The following THSD4 variants were observed in gnomAD, a reference collection of about 807,000 sequenced individuals.
The protein encoded by THSD4 is thrombospondin type 1 domain containing 4.
THSD4 carries 69 observed loss-of-function variants against 119.0 expected under a neutral mutation model. The ratio of observed to expected loss-of-function variants is 0.58; its 90% CI spans 0.48 to 0.71. THSD4 has a LOEUF of 0.71. Ranked by LOEUF, THSD4 falls within the 30% of genes least tolerant of loss-of-function variation. The pLI is 0.00. For synonymous variants in THSD4, 524 were observed against 540.4 expected (o/e 0.97, Z 0.42); for missense variants, 1,393 against 1,391.1 (o/e 1.00, Z -0.02).
chr15:71,498,859 C>CT (rs56282942), intron 7 of THSD4, among the ~76,000 whole-genome samples: 138 of 121,328 alleles, frequency 1.1e-3, no homozygotes, highest in African/African-American at 3.5e-3. Flanking sequence ...CCACATTGTA[C>CT]TTTTTTTTTT....
intron 7 of THSD4, among the ~76,000 whole-genome samples, chr15:71,657,884 A>T (rs902070333): frequency 6.6e-6 from 1 of 152,216 alleles, no homozygotes. Context: ...CACAAGATCA[A>T]ATAACATTTT....
intron 8 of THSD4, among the ~76,000 whole-genome samples, chr15:71,687,661 A>G (rs2051943523): frequency 6.6e-6 from 1 of 151,626 alleles, no homozygotes; most frequent in Non-Finnish European, 1.5e-5. Flanking sequence ...AGGCTGAGGC[A>G]GGAGAATTGC....
chr15:71,361,765 C>G (rs900519257), intron 6 of THSD4, among the ~76,000 whole-genome samples: 1 of 152,048 alleles, frequency 6.6e-6, no homozygotes, highest in African/African-American at 2.4e-5. Context: ...AAAAACGGGT[C>G]AAACAAATTA....
intron 7 of THSD4, among the ~76,000 whole-genome samples, chr15:71,504,237 G>A (rs1332111281): frequency 1.3e-5 from 2 of 152,208 alleles, no homozygotes; most frequent in African/African-American, 2.4e-5. Context: ...CCAGCAGGTC[G>A]TGAAGGGTTG....
intron 1 of THSD4, among the ~76,000 whole-genome samples, chr15:71,131,934 A>C (rs1193349930): frequency 6.6e-6 from 1 of 152,260 alleles, no homozygotes; most frequent in Non-Finnish European, 1.5e-5. Flanking sequence ...AGATGCCTGC[A>C]TGACTGTGTG....
chr15:71,393,797 G>A (rs141553320), intron 6 of THSD4, among the ~76,000 whole-genome samples: 1 of 152,286 alleles, frequency 6.6e-6, no homozygotes, highest in African/African-American at 2.4e-5. Flanking sequence ...CTGTGACCTT[G>A]AGCAGCTCCA....
intron 3 of THSD4, among the ~76,000 whole-genome samples, chr15:71,189,562 C>T (rs571916473): frequency 1.4e-3 from 212 of 151,932 alleles, no homozygotes; most frequent in Non-Finnish European, 2.5e-3. Context: ...CCCAGCTACT[C>T]GGGAGGCTGA....
chr15:71,741,482 G>C (rs998680215), intron 11 of THSD4, among the ~76,000 whole-genome samples: 1 of 152,028 alleles, frequency 6.6e-6, no homozygotes, highest in African/African-American at 2.4e-5. Context: ...AACAGAGCAA[G>C]ACTCCGTCTC....
intron 6 of THSD4, among the ~76,000 whole-genome samples, chr15:71,381,388 A>T (rs1034373630): frequency 2.6e-5 from 4 of 152,228 alleles, no homozygotes; most frequent in Non-Finnish European, 5.9e-5. Flanking sequence ...GACTTAATAT[A>T]AAAACCTGCC....
In THSD4 at chr15:71,384,874, C is replaced by T. The variant is rs537429640; in HGVS notation, c.1016-26813C>T. 9.2e-5 allele frequency among the ~76,000 whole-genome samples: 14 copies of T among 152,296 alleles called. No individual in the cohort carries two copies. The East Asian group carries it at 2.3e-3, about 25-fold the overall frequency. ...ACTCAATTCTTCCAAAGTTAAGGAT[C>T]CCATTTTTATGTTGAATGTTGGCCT... On this transcript the variant is annotated intron_variant, in intron 6 of 17. Transcript: ENST00000261862.
intron 7 of THSD4, among the ~76,000 whole-genome samples, chr15:71,482,036 C>G (rs192643500): frequency 1.6e-3 from 251 of 152,246 alleles, no homozygotes; most frequent in African/African-American, 5.3e-3. Flanking sequence ...AAAATAATCC[C>G]TGCTCCTTCT....
At chr15:71,422,904 C>G (rs900439277) in intron 7 of THSD4, among the ~76,000 whole-genome samples, 3 of 152,134 alleles carry the variant, frequency 2.0e-5, no homozygotes, top group African/African-American at 4.8e-5. Flanking sequence ...AGCCAGAAGA[C>G]AAAGTTCTTC....
At chr15:71,393,723 G>A (rs558922783) in intron 6 of THSD4, among the ~76,000 whole-genome samples, 1 of 152,234 alleles carries the variant, frequency 6.6e-6, no homozygotes, top group East Asian at 1.9e-4. Flanking sequence ...GCTGTTTTTA[G>A]TGTGCTTAGC....
chr15:71,161,688 T>A (rs1185296839), intron 3 of THSD4, among the ~76,000 whole-genome samples: 1 of 152,036 alleles, frequency 6.6e-6, no homozygotes, highest in Non-Finnish European at 1.5e-5. Flanking sequence ...TGTTTTTTTT[T>A]AATCCATTCA....
chr15:71,762,178 C>CAGAG (rs75610353), intron 15 of THSD4, among the ~76,000 whole-genome samples: 50 of 147,604 alleles, frequency 3.4e-4, no homozygotes, highest in South Asian at 4.4e-4. Flanking sequence ...CACACACACA[C>CAGAG]AGAGATAGAG....
intron 10 of THSD4, among the ~76,000 whole-genome samples, chr15:71,736,686 T>TTC (rs1017366020): frequency 1.3e-5 from 2 of 151,934 alleles, no homozygotes; most frequent in African/African-American, 2.4e-5. Context: ...CTCTCTCTCT[T>TTC]TCTCTCTCTC....
rs935650007 is a variant in THSD4 at position 71,748,588 on chromosome 15, C to T, written c.2409C>T (p.Ser803=). The change falls in exon 14 of 18, where the codon AGC becomes AGT. Residue 803 remains serine, a synonymous_variant. Transcript: ENST00000261862. ...CAKSWFLTEW[S]ERCSAECGAG... ...AGAGCTGGTTCCTCACCGAGTGGAG[C>T]GAAAGGGTGAGTGTGATGGCGGGCA... The T allele has an allele frequency of 1.4e-5, 23 of 1,613,798 alleles. No homozygotes were observed. The highest frequency in any genetic ancestry group is 5.3e-5 in the African/African-American group (4 of 74,864).
chr15:71,524,066 A>G (rs2048480284), intron 7 of THSD4, among the ~76,000 whole-genome samples: 1 of 152,230 alleles, frequency 6.6e-6, no homozygotes, highest in Non-Finnish European at 1.5e-5. Context: ...TATCTAGATT[A>G]TCTTGAAGAA....
At chr15:71,234,236 A>C (rs1023093811) in intron 4 of THSD4, among the ~76,000 whole-genome samples, 1 of 152,156 alleles carries the variant, frequency 6.6e-6, no homozygotes, top group Non-Finnish European at 1.5e-5. Flanking sequence ...CCCTAAACAC[A>C]TCTGGGATTT....
Sources: gnomAD v4.1 joint callset for allele counts (sites outside exome capture counted in the v4.1 genomes callset) on GRCh38, gnomAD v4.1.1 for gene constraint, MANE v1.5 for transcripts, NCBI Gene and HGNC (gene_info 2026-07-23, HGNC 2026-07-21) for gene names.